AFF1: variants seen among roughly 807,000 people sequenced by gnomAD.
AFF1 encodes AF4/FMR2 family member 1.
AFF1 carries 48 observed loss-of-function variants against 121.7 expected under a neutral mutation model. The observed-to-expected ratio is 0.39, with a 90% CI of 0.31 to 0.50. The LOEUF is 0.50. AFF1 is among the 20% of genes least tolerant of loss of function. AFF1 has a pLI of 0.76. For synonymous variants in AFF1, 613 were observed against 563.0 expected (o/e 1.09, Z -1.26); for missense variants, 1,523 against 1,511.7 (o/e 1.01, Z -0.12).
intron 4 of AFF1, among the ~76,000 whole-genome samples, chr4:87,070,035 C>T (rs575828367): frequency 2.0e-5 from 3 of 151,966 alleles, no homozygotes; most frequent in East Asian, 1.9e-4. Context: ...GATGGAGTCT[C>T]GCTTAGTCAC....
At chr4:87,108,594 A>G (rs1726164821) in intron 11 of AFF1, among the ~76,000 whole-genome samples, 2 of 152,208 alleles carry the variant, frequency 1.3e-5, no homozygotes, top group South Asian at 4.1e-4. Context: ...AGATCAACTC[A>G]TTAAGACTGT....
intron 4 of AFF1, among the ~76,000 whole-genome samples, chr4:87,052,820 G>A (rs1315074064): frequency 2.0e-5 from 3 of 151,970 alleles, no homozygotes; most frequent in Non-Finnish European, 2.9e-5. Flanking sequence ...GCAGGGAACT[G>A]ATAGGGCTCT....
At chr4:86,995,042 A>G (rs1203518556) in intron 2 of AFF1, among the ~76,000 whole-genome samples, 1 of 152,116 alleles carries the variant, frequency 6.6e-6, no homozygotes, top group Non-Finnish European at 1.5e-5. Context: ...GGAGTTTGAG[A>G]TCAGCCTAGG....
chr4:87,072,321 C>T (rs1360245481), intron 4 of AFF1, among the ~76,000 whole-genome samples: 5 of 146,712 alleles, frequency 3.4e-5, no homozygotes, highest in African/African-American at 1.0e-4. Context: ...CAAGATCACA[C>T]CACTGCACTC....
At chr4:86,986,128 A>C (rs1377952701) in intron 2 of AFF1, among the ~76,000 whole-genome samples, 1 of 151,950 alleles carries the variant, frequency 6.6e-6, no homozygotes, top group African/African-American at 2.4e-5. Context: ...GCTGGAGTGC[A>C]GTGGCATGAT....
chr4:86,946,837 T>TCTC, intron 1 of AFF1, among the ~76,000 whole-genome samples: 1 of 152,040 alleles, frequency 6.6e-6, no homozygotes, highest in Non-Finnish European at 1.5e-5. Context: ...CTGTTATCAC[T>TCTC]CTCCACCAAA....
chr4:87,121,214 G>A (rs539639847), intron 12 of AFF1, among the ~76,000 whole-genome samples: 2 of 152,276 alleles, frequency 1.3e-5, no homozygotes, highest in South Asian at 2.1e-4. Flanking sequence ...GGATGACCTG[G>A]GGATAAACCA....
intron 11 of AFF1, among the ~76,000 whole-genome samples, chr4:87,111,296 C>T (rs113230830): frequency 7.2e-5 from 2 of 27,828 alleles, no homozygotes; most frequent in Non-Finnish European, 9.1e-5. Flanking sequence ...GGATTACAGG[C>T]GTGAGCCACC....
At chr4:87,033,946 G>A (rs1457973760) in intron 2 of AFF1, among the ~76,000 whole-genome samples, 1 of 152,124 alleles carries the variant, frequency 6.6e-6, no homozygotes, top group African/African-American at 2.4e-5. Flanking sequence ...TGGGTAAATA[G>A]GATCAAGCGG....
At chr4:86,992,799 T>G (rs1028995583) in intron 2 of AFF1, among the ~76,000 whole-genome samples, 1 of 152,242 alleles carries the variant, frequency 6.6e-6, no homozygotes, top group Non-Finnish European at 1.5e-5. Flanking sequence ...ATGACAAGAT[T>G]TAATCAGCTC....
chr4:86,969,338 G>A (rs1722757399), intron 2 of AFF1, among the ~76,000 whole-genome samples: 1 of 151,852 alleles, frequency 6.6e-6, no homozygotes, highest in African/African-American at 2.4e-5. Flanking sequence ...AATTAGCTTG[G>A]CGTGGTGGCA....
At chr4:87,134,357 C>A in intron 19 of AFF1, 114 bp from the exon 20 acceptor site, 1 of 968,210 alleles carries the variant, frequency 1.0e-6, no homozygotes, top group Non-Finnish European at 1.5e-6. Flanking sequence ...ATCATTTTGG[C>A]AGGTGTATAG....
At chr4:87,000,653 G>A (rs6811587) in intron 2 of AFF1, among the ~76,000 whole-genome samples, 6 of 149,698 alleles carry the variant, frequency 4.0e-5, no homozygotes, top group African/African-American at 9.8e-5. Context: ...CAGAGGAAGT[G>A]GGGGAACTTG....
chr4:87,051,309 A>G (rs1731230440), intron 4 of AFF1, among the ~76,000 whole-genome samples: 1 of 152,108 alleles, frequency 6.6e-6, no homozygotes, highest in Admixed American at 6.5e-5. Context: ...TTTGTCACCC[A>G]GACCGAACCT....
intron 2 of AFF1, among the ~76,000 whole-genome samples, chr4:86,968,006 GAAGGCTTAGT>G (rs1722654571): frequency 6.6e-6 from 1 of 152,196 alleles, no homozygotes; most frequent in Admixed American, 6.5e-5. Flanking sequence ...AAGTAGCAGA[GAAGGCTTAGT>G]AAGGAGGTTG....
At chr4:87,111,165 G>A (rs1726486561) in intron 11 of AFF1, among the ~76,000 whole-genome samples, 1 of 82,688 alleles carries the variant, frequency 1.2e-5, no homozygotes, top group Admixed American at 1.5e-4. Flanking sequence ...CCGCTACCAC[G>A]CCCGGCTAAT....
Position 87,136,839 on chromosome 4 carries a change from C to CT in AFF1, c.*1139dup, listed in dbSNP as rs1414828062. On this transcript the variant is annotated 3_prime_UTR_variant, in exon 21 of 21. Coordinates refer to ENST00000395146, the MANE Select transcript of AFF1 (RefSeq NM_001166693.3). ...CTAGACTTTCAGAGTCCTTGATTGT[C>CT]TAGGGGAAGTTAACTCCCTGAGAGG... 9.1e-6 allele frequency: 2 copies of CT among 220,880 alleles called. No individual in the cohort carries two copies. Among genetic ancestry groups the CT allele is most frequent in the African/African-American group, 4.5e-5 (2 of 44,646 alleles). The allele number at this position is 220,880 out of a possible 1,614,324, so 13.7% of individuals were successfully genotyped here.
intron 2 of AFF1, among the ~76,000 whole-genome samples, chr4:87,039,884 AAC>A (rs1032837936): frequency 2.0e-5 from 3 of 151,834 alleles, no homozygotes; most frequent in Non-Finnish European, 4.4e-5. Context: ...CAAGAATTGT[AAC>A]ACAGTTTTTA....
At chr4:87,094,544 A>C (rs1724635371) in intron 7 of AFF1, among the ~76,000 whole-genome samples, 1 of 152,172 alleles carries the variant, frequency 6.6e-6, no homozygotes, top group African/African-American at 2.4e-5. Context: ...AGTGATAACA[A>C]ATCACTAATA....
Sources: allele counts gnomAD v4.1 joint callset (sites outside exome capture counted in the v4.1 genomes callset), GRCh38; gene constraint gnomAD v4.1.1; transcripts MANE v1.5; gene names NCBI Gene and HGNC (gene_info 2026-07-23, HGNC 2026-07-21).